Variants in SGSM1 observed in about 807,000 individuals in gnomAD.
SGSM1 encodes the protein RUN and TBC1 domain containing 2.
SGSM1 carries 73 observed loss-of-function variants against 133.8 expected under a neutral mutation model. The ratio of observed to expected loss-of-function variants is 0.55; its 90% CI spans 0.45 to 0.66. The LOEUF is 0.66. Ranked by LOEUF, SGSM1 falls within the 30% of genes least tolerant of loss-of-function variation. The probability of loss-of-function intolerance (pLI) is 0.00; values close to 1 mark genes in which losing one functional copy is unlikely to be tolerated. For synonymous variants in SGSM1, 563 were observed against 573.0 expected (o/e 0.98, Z 0.25); for missense variants, 1,213 against 1,448.1 (o/e 0.84, Z 2.64).
At chr22:24,840,946 G>T (rs907279453) in intron 2 of SGSM1, among the ~76,000 whole-genome samples, 11 of 152,136 alleles carry the variant, frequency 7.2e-5, no homozygotes, top group Admixed American at 2.0e-4. Flanking sequence ...CGCCACCCGG[G>T]TTCACACCAT....
intron 20 of SGSM1, 147 bp downstream of exon 20, chr22:24,902,104 T>C: frequency 1.2e-6 from 1 of 842,792 alleles, no homozygotes; most frequent in Non-Finnish European, 1.8e-6. Flanking sequence ...AGTGAAAATT[T>C]AACAACAATA....
chr22:24,847,881 C>T, intron 4 of SGSM1, 85 bp downstream of exon 4: 1 of 1,494,920 alleles, frequency 6.7e-7, no homozygotes, highest in Non-Finnish European at 9.0e-7. Flanking sequence ...GCCTGCAACC[C>T]CTAGCACTCT....
At chr22:24,844,566 G>C in intron 2 of SGSM1, 1 of 233,890 alleles carries the variant, frequency 4.3e-6, no homozygotes. Flanking sequence ...TGCCCTACAG[G>C]AACTAAAACA....
chr22:24,828,254 G>A (rs1928906125), intron 2 of SGSM1, among the ~76,000 whole-genome samples: 1 of 152,122 alleles, frequency 6.6e-6, no homozygotes. Context: ...TTCCAGCAGT[G>A]CCCTTTCCTG....
chr22:24,886,459 T>C, intron 15 of SGSM1, 141 bp from the exon 16 acceptor site: 1 of 1,100,742 alleles, frequency 9.1e-7, no homozygotes, highest in Non-Finnish European at 1.3e-6. Context: ...ATCCCAGCAC[T>C]TTGGGAGGCC....
At chr22:24,809,860 A>G (rs1927629635) in intron 2 of SGSM1, among the ~76,000 whole-genome samples, 1 of 152,232 alleles carries the variant, frequency 6.6e-6, no homozygotes, top group Non-Finnish European at 1.5e-5. Flanking sequence ...AACCCAAAAC[A>G]GGGACAACTG....
At chr22:24,917,518 C>T in intron 22 of SGSM1, 140 bp from the exon 23 acceptor site, 1 of 565,474 alleles carries the variant, frequency 1.8e-6, no homozygotes, top group African/African-American at 1.9e-5. Flanking sequence ...CTATTCAGAT[C>T]TTTTCCCATT....
In SGSM1 at chr22:24,912,710, C is replaced by T. The variant is rs775074228; in HGVS notation, c.2886C>T (p.Gly962=). Residue 962 remains glycine, a synonymous_variant, in exon 22 of 25, where the codon GGC becomes GGT. Coordinates refer to ENST00000400358, the MANE Select transcript of SGSM1 (RefSeq NM_001098497.3). ...TGAACCAGAACTTCCCCCACGGAGG[C>T]GCCATGGACACGCACTTTGCAAACA... is the stretch of plus-strand genomic sequence containing the variant. The part of the protein sequence containing the change: ...KRMNQNFPHG[G]AMDTHFANMR... 17 of 1,613,618 alleles carry T rather than the reference C, an allele frequency of 1.1e-5. No individual in the cohort carries two copies. Among genetic ancestry groups the T allele is most frequent in the Admixed American group, 8.3e-5 (5 of 59,944 alleles).
intron 16 of SGSM1, among the ~76,000 whole-genome samples, chr22:24,889,776 A>C (rs1305433850): frequency 6.7e-6 from 1 of 149,626 alleles, no homozygotes; most frequent in South Asian, 2.1e-4. Flanking sequence ...CAGCCTCCCA[A>C]ATAGCTGGGA....
At chr22:24,822,756 A>G (rs1428054325) in intron 2 of SGSM1, among the ~76,000 whole-genome samples, 1 of 152,190 alleles carries the variant, frequency 6.6e-6, no homozygotes, top group Non-Finnish European at 1.5e-5. Flanking sequence ...GAGCAGGTGC[A>G]TTGGTTGCTC....
rs540345601 is a variant in SGSM1 at position 24,913,006 on chromosome 22, AG to A, written c.2928+255del. 7.9e-5 allele frequency among the ~76,000 whole-genome samples: 12 copies of A among 152,340 alleles called. No individual in the cohort carries two copies. In the South Asian group the frequency reaches 2.5e-3, roughly 32 times the overall value. ...AAATGAAGTAAACTAATGATTTTAT[AG>A]TGCTTAGCACAGTGCATGTCAGTGC... On this transcript the variant is annotated intron_variant, in intron 22 of 24. Transcript: ENST00000400358.
At chr22:24,870,864 G>A (rs1355282514) in intron 12 of SGSM1, among the ~76,000 whole-genome samples, 2 of 152,192 alleles carry the variant, frequency 1.3e-5, no homozygotes, top group African/African-American at 2.4e-5. Context: ...TTCCATGGGA[G>A]ATTAAGCACA....
At position 24,916,125 on chromosome 22, in the gene SGSM1, C is replaced by T. The variant is rs552040253; in HGVS notation, c.2929-1533C>T. 2.1e-3 allele frequency among the ~76,000 whole-genome samples: 325 copies of T among 152,114 alleles called. 1 individual carries two copies. Among genetic ancestry groups the T allele is most frequent in the African/African-American group, 7.5e-3 (310 of 41,502 alleles). ...TGAAGTGTACGATTCAGTGGCTTTT[C>T]GTTTATTCACAGAGTTATGCAACAA... On this transcript the variant is annotated intron_variant, in intron 22 of 24. Coordinates refer to ENST00000400358, the MANE Select transcript of SGSM1 (RefSeq NM_001098497.3).
chr22:24,876,767 T>C (rs1379751926), intron 13 of SGSM1, 52 bp downstream of exon 13: 25 of 1,610,308 alleles, frequency 1.6e-5, no homozygotes, highest in Non-Finnish European at 1.7e-5. Flanking sequence ...GTACCAGAGA[T>C]CTGTAGATGC....
intron 14 of SGSM1, among the ~76,000 whole-genome samples, chr22:24,881,435 G>A (rs1402144197): frequency 8.2e-6 from 1 of 122,380 alleles, no homozygotes; most frequent in African/African-American, 3.1e-5. Flanking sequence ...GTGTGGTGGT[G>A]GGCGCCTGTA....
At chr22:24,814,418 C>T (rs1344886912) in intron 2 of SGSM1, among the ~76,000 whole-genome samples, 1 of 151,986 alleles carries the variant, frequency 6.6e-6, no homozygotes, top group Non-Finnish European at 1.5e-5. Flanking sequence ...GCAAGGAGTT[C>T]GCCCTAAGGT....
chr22:24,817,712 G>A (rs1267613153), intron 2 of SGSM1, among the ~76,000 whole-genome samples: 1 of 152,162 alleles, frequency 6.6e-6, no homozygotes, highest in Non-Finnish European at 1.5e-5. Context: ...ACCCAAGTAC[G>A]GTTTAGCATC....
intron 3 of SGSM1, among the ~76,000 whole-genome samples, chr22:24,846,971 G>A (rs140078282): frequency 0.018 from 2,718 of 151,938 alleles, 49 homozygotes; most frequent in East Asian, 0.087. Flanking sequence ...CTCCTGAGTA[G>A]CTGGGACTAC....
intron 2 of SGSM1, among the ~76,000 whole-genome samples, chr22:24,823,100 G>C (rs937629050): frequency 1.3e-5 from 2 of 152,196 alleles, no homozygotes; most frequent in Admixed American, 6.5e-5. Flanking sequence ...TCTCGGGCAA[G>C]TCATTTCACC....
Sources: allele counts gnomAD v4.1 joint callset (sites outside exome capture counted in the v4.1 genomes callset), GRCh38; gene constraint gnomAD v4.1.1; transcripts MANE v1.5; gene names NCBI Gene and HGNC (gene_info 2026-07-23, HGNC 2026-07-21).